Variants in CST8 observed in about 807,000 individuals in gnomAD.
CST8 encodes the protein cystatin-8.
In CST8, 20 loss-of-function variants were observed where a neutral mutation model predicts 11.8. The ratio of observed to expected loss-of-function variants is 1.70; its 90% CI spans 1.20 to 2.47. The LOEUF is 2.47. CST8 is among the 30% of genes most tolerant of loss of function. The pLI is 0.00. For missense variants in CST8, 196 were observed against 167.2 expected (o/e 1.17, Z -0.95); for synonymous variants, 77 against 63.1 (o/e 1.22, Z -1.05).
intron 3 of CST8, among the ~76,000 whole-genome samples, chr20:23,493,674 G>T (rs977826815): frequency 7.2e-5 from 11 of 152,156 alleles, no homozygotes; most frequent in African/African-American, 2.7e-4. Flanking sequence ...CTTGGCCCAG[G>T]GGCTTTTGGC....
the CST8 span, among the ~76,000 whole-genome samples, chr20:23,503,887 CAAG>C: frequency 2.6e-5 from 4 of 152,120 alleles, no homozygotes; most frequent in Non-Finnish European, 5.9e-5. Flanking sequence ...GCGGGCGGGT[CAAG>C]GAGGATGCAC....
the CST8 span, among the ~76,000 whole-genome samples, chr20:23,505,978 A>C: frequency 7.0e-6 from 1 of 141,860 alleles, no homozygotes; most frequent in Admixed American, 7.3e-5. Flanking sequence ...AATACATTAA[A>C]GTATTTAAAT....
At chr20:23,505,987 A>G in the CST8 span, among the ~76,000 whole-genome samples, 1 of 119,680 alleles carries the variant, frequency 8.4e-6, no homozygotes. Flanking sequence ...AAGTATTTAA[A>G]TCTCCTAGTT....
intron 3 of CST8, among the ~76,000 whole-genome samples, chr20:23,494,177 T>C (rs191798098): frequency 1.9e-3 from 287 of 152,294 alleles, no homozygotes; most frequent in African/African-American, 6.2e-3. Context: ...ATCTGATCTT[T>C]TATGCTTGTT....
At chr20:23,495,751 C>A (rs1173746249) in intron 3 of CST8, 80 bp from the exon 4 acceptor site, 16 of 1,099,584 alleles carry the variant, frequency 1.5e-5, no homozygotes, top group Non-Finnish European at 2.0e-5. Flanking sequence ...TGACACCTAG[C>A]AACAGGACAA....
At chr20:23,492,723 T>C (rs572287923) in intron 2 of CST8, among the ~76,000 whole-genome samples, 2 of 152,166 alleles carry the variant, frequency 1.3e-5, no homozygotes, top group East Asian at 1.9e-4. Context: ...GGTGACAAAC[T>C]GGAGAGGAGT....
At chr20:23,492,429 A>G (rs1987916370) in intron 2 of CST8, among the ~76,000 whole-genome samples, 1 of 152,114 alleles carries the variant, frequency 6.6e-6, no homozygotes, top group African/African-American at 2.4e-5. Flanking sequence ...AGGCAAACTC[A>G]TGCCTGCATG....
chr20:23,502,565 A>G, the CST8 span, among the ~76,000 whole-genome samples: 1 of 152,152 alleles, frequency 6.6e-6, no homozygotes, highest in Non-Finnish European at 1.5e-5. Context: ...TGCACATAAG[A>G]TGATGCCTGC....
At chr20:23,497,604 G>C (rs949783902), downstream of CST8, among the ~76,000 whole-genome samples, 2 of 152,218 alleles carry the variant, frequency 1.3e-5, no homozygotes, top group African/African-American at 4.8e-5. Context: ...ACAAAGATTA[G>C]AGGTTTAATT....
chr20:23,491,455 G>C, intron 1 of CST8, 70 bp from the exon 2 acceptor site: 2 of 583,516 alleles, frequency 3.4e-6, no homozygotes, highest in Non-Finnish European at 6.1e-6. Context: ...TGGCATTCCT[G>C]GGTGGGTTTC....
the CST8 span, among the ~76,000 whole-genome samples, chr20:23,504,246 T>C: frequency 6.6e-6 from 1 of 152,194 alleles, no homozygotes; most frequent in Non-Finnish European, 1.5e-5. Flanking sequence ...CAGGGTGCCA[T>C]GTGCCGGACA....
intron 2 of CST8, among the ~76,000 whole-genome samples, chr20:23,492,627 C>A (rs536669739): frequency 6.6e-6 from 1 of 152,212 alleles, no homozygotes; most frequent in Non-Finnish European, 1.5e-5. Flanking sequence ...AAGAGCCCAC[C>A]TTTCACCTCT....
chr20:23,502,714 T>C, the CST8 span, among the ~76,000 whole-genome samples: 1 of 152,210 alleles, frequency 6.6e-6, no homozygotes, highest in Non-Finnish European at 1.5e-5. Flanking sequence ...ACTTCATATA[T>C]AAACTGTTGG....
downstream of CST8, among the ~76,000 whole-genome samples, chr20:23,496,206 G>A (rs902195690): frequency 2.0e-5 from 3 of 151,770 alleles, no homozygotes; most frequent in Non-Finnish European, 2.9e-5. Context: ...GAGTATTGGG[G>A]TAAATTCAGC....
intron 3 of CST8, among the ~76,000 whole-genome samples, chr20:23,493,850 A>G (rs1209765613): frequency 6.6e-6 from 1 of 152,192 alleles, no homozygotes; most frequent in African/African-American, 2.4e-5. Context: ...ACTTGGAGGT[A>G]TTGACAAACC....
downstream of CST8, among the ~76,000 whole-genome samples, chr20:23,497,712 G>A (rs947401599): frequency 1.3e-5 from 2 of 152,206 alleles, no homozygotes; most frequent in African/African-American, 4.8e-5. Context: ...CAGAGAGCTT[G>A]TGCAGGGGAA....
the CST8 span, among the ~76,000 whole-genome samples, chr20:23,504,685 ACAAC>A: frequency 6.6e-6 from 1 of 152,270 alleles, no homozygotes; most frequent in South Asian, 2.1e-4. Context: ...TTATAATACT[ACAAC>A]AACAACAAGC....
In CST8 at chr20:23,491,353, A is replaced by G. The variant is rs1987873308; in HGVS notation, c.-144+11A>G. 1 of 397,218 alleles carries G rather than the reference A, an allele frequency of 2.5e-6. No homozygotes were observed. The highest frequency in any genetic ancestry group is 4.6e-6 in the Non-Finnish European group (1 of 215,058). The allele number at this position is 397,218 out of a possible 1,614,324, so 24.6% of individuals were successfully genotyped here. On this transcript the variant is annotated intron_variant, in intron 1 of 3. Transcript: ENST00000246012. The stretch of plus-strand genomic sequence containing the variant: ...GTGACGCTCACAGGGGTAGGCATAG[A>G]CACACTGGGGCCGAAGGGGAGAGGA...
the CST8 span, among the ~76,000 whole-genome samples, chr20:23,501,740 A>G: frequency 1.4e-4 from 21 of 152,352 alleles, no homozygotes; most frequent in African/African-American, 5.1e-4. Context: ...ACCCATTACC[A>G]GATAGGAACA....
Sources: allele counts gnomAD v4.1 joint callset (sites outside exome capture counted in the v4.1 genomes callset), GRCh38; gene constraint gnomAD v4.1.1; transcripts MANE v1.5; gene names NCBI Gene and HGNC (gene_info 2026-07-23, HGNC 2026-07-21).